Variants in CLPB observed in about 807,000 individuals in gnomAD.
CLPB encodes the protein mitochondrial disaggregase.
Under a neutral mutation model 78.4 loss-of-function variants are expected in CLPB, and 40 were observed. The ratio of observed to expected loss-of-function variants is 0.51; its 90% CI spans 0.40 to 0.66. CLPB has a LOEUF of 0.66. Among genes scored for constraint, CLPB ranks in the 30% least tolerant of loss-of-function variants. The pLI is 0.00. For synonymous variants in CLPB, 333 were observed against 348.0 expected (o/e 0.96, Z 0.48); for missense variants, 780 against 886.9 (o/e 0.88, Z 1.53).
chr11:72,331,142 C>T (rs534225378), intron 5 of CLPB, among the ~76,000 whole-genome samples: 1 of 151,850 alleles, frequency 6.6e-6, no homozygotes, highest in East Asian at 1.9e-4. Flanking sequence ...TGGTGGCTCA[C>T]GCCTGTAATC....
In CLPB at chr11:72,374,053, C is replaced by T. The variant is rs139497202; in HGVS notation, c.646+6228G>A. On this transcript the variant is annotated intron_variant, in intron 4 of 15. Coordinates refer to ENST00000538039, the MANE Select transcript of CLPB (RefSeq NM_001258392.3). The stretch of plus-strand genomic sequence containing the variant: ...GAAATCACATGGCTGACAGGGGCAC[C>T]GGAGGCCAGATAATCCAATGACCCA... Among the ~76,000 whole-genome samples, 75 of 151,912 alleles carry T rather than the reference C, an allele frequency of 4.9e-4. 1 individual carries two copies. The East Asian group carries it at 0.012, about 23-fold the overall frequency.
At chr11:72,408,330 G>T in intron 2 of CLPB, 3 of 717,920 alleles carry the variant, frequency 4.2e-6, no homozygotes, top group Non-Finnish European at 6.9e-6. Flanking sequence ...TGGTCGTAAG[G>T]ATTAAAACAG....
chr11:72,413,117 C>T (rs1565091829), intron 2 of CLPB, among the ~76,000 whole-genome samples: 1 of 152,046 alleles, frequency 6.6e-6, no homozygotes, highest in South Asian at 2.1e-4. Context: ...GGAGAAACCC[C>T]GTCTCTACTA....
intron 2 of CLPB, among the ~76,000 whole-genome samples, chr11:72,409,497 T>A (rs1327375703): frequency 1.3e-5 from 2 of 151,708 alleles, no homozygotes; most frequent in Non-Finnish European, 2.9e-5. Context: ...CGTATGACAA[T>A]CACTTGAACT....
intron 4 of CLPB, among the ~76,000 whole-genome samples, chr11:72,365,244 C>T (rs1270793431): frequency 6.6e-6 from 1 of 152,146 alleles, no homozygotes; most frequent in Non-Finnish European, 1.5e-5. Context: ...ATCCCTTAAG[C>T]CCAGGAAGTC....
At position 72,295,496 on chromosome 11, in the gene CLPB, G is replaced by C. The variant is rs779812366; in HGVS notation, c.1482C>G (p.Asn494Lys). 1 of 1,614,022 alleles carries C rather than the reference G, an allele frequency of 6.2e-7. No homozygotes were observed. The highest frequency in any genetic ancestry group is 1.7e-5 in the Admixed American group (1 of 60,012). The change falls in exon 12 of 16, where the codon AAC becomes AAG. Residue 494 changes from asparagine (N) to lysine (K), a missense_variant. Transcript: ENST00000538039. ...LEMSRNRIAE[N>K]LGDVQISDKI... Reference sequence around the variant, plus strand: ...TGCTCAGGTCAGCCGCCATACCCAGGTTTTCGGCAATACGGTTACGGCTCA... The same window carrying C: ...TGCTCAGGTCAGCCGCCATACCCAGCTTTTCGGCAATACGGTTACGGCTCA...
At chr11:72,359,047 A>G in intron 4 of CLPB, 39 bp from the exon 5 acceptor site, 1 of 1,610,780 alleles carries the variant, frequency 6.2e-7, no homozygotes, top group Non-Finnish European at 8.5e-7. Context: ...ATTAGCAACG[A>G]CAGCATGAGC....
Position 72,308,523 on chromosome 11 carries a change from T to C in CLPB, c.1066+4A>G. 6.2e-7 allele frequency: 1 copy of C among 1,613,634 alleles called. No individual in the cohort carries two copies. Among genetic ancestry groups the C allele is most frequent in the Non-Finnish European group, 8.5e-7 (1 of 1,179,564 alleles). On this transcript the variant is annotated splice_donor_region_variant and intron_variant, in intron 8 of 15. Coordinates refer to ENST00000538039, the MANE Select transcript of CLPB (RefSeq NM_001258392.3). Reference sequence around the variant, plus strand: ...TCCCCACTGGCTGATCTGCTCCCAATTACCTATTCCAGATGATCCCAAGAA... The same window carrying C: ...TCCCCACTGGCTGATCTGCTCCCAACTACCTATTCCAGATGATCCCAAGAA...
intron 6 of CLPB, among the ~76,000 whole-genome samples, chr11:72,322,117 T>C (rs962404783): frequency 6.6e-6 from 1 of 152,026 alleles, no homozygotes; most frequent in Non-Finnish European, 1.5e-5. Context: ...TTTGAAAGTC[T>C]CTTAAACTAG....
rs1450916944 is a variant in CLPB at position 72,287,871 on chromosome 11, A to T, written c.*5496T>A. Reference sequence around the variant, plus strand: ...TAATTTCTCATGCCTAATTTTGTTAATTTTTTTGGCTCCTTTCCCCTTTTA... The same window carrying T: ...TAATTTCTCATGCCTAATTTTGTTATTTTTTTTGGCTCCTTTCCCCTTTTA... On this transcript the variant is annotated 3_prime_UTR_variant, in exon 16 of 16. Transcript: ENST00000538039. 6.6e-6 allele frequency: 1 copy of T among 151,908 alleles called. No individual in the cohort carries two copies. Among genetic ancestry groups the T allele is most frequent in the African/African-American group, 2.4e-5 (1 of 41,368 alleles). 9.4% of individuals were successfully genotyped at this position (151,908 alleles called of 1,614,324 possible).
At chr11:72,377,928 C>T (rs576997316) in intron 4 of CLPB, among the ~76,000 whole-genome samples, 1 of 152,346 alleles carries the variant, frequency 6.6e-6, no homozygotes, top group South Asian at 2.1e-4. Flanking sequence ...TAAGTAGTCA[C>T]AACTGAGATC....
intron 3 of CLPB, among the ~76,000 whole-genome samples, chr11:72,398,998 C>T (rs578114536): frequency 6.6e-6 from 1 of 152,140 alleles, no homozygotes; most frequent in Non-Finnish European, 1.5e-5. Context: ...AGCACATTAG[C>T]ACCTGACACC....
chr11:72,399,127 T>C (rs748526280), intron 3 of CLPB, among the ~76,000 whole-genome samples: 30 of 151,376 alleles, frequency 2.0e-4, no homozygotes, highest in Non-Finnish European at 3.7e-4. Flanking sequence ...TTTTTTGCCC[T>C]ATCAGGAAAC....
chr11:72,330,416 G>A (rs1259763125), intron 5 of CLPB, among the ~76,000 whole-genome samples: 1 of 152,212 alleles, frequency 6.6e-6, no homozygotes, highest in East Asian at 1.9e-4. Flanking sequence ...ATTAGTTCCT[G>A]TGACTTAAGG....
chr11:72,409,172 C>T (rs1318133526), intron 2 of CLPB, among the ~76,000 whole-genome samples: 1 of 152,160 alleles, frequency 6.6e-6, no homozygotes, highest in African/African-American at 2.4e-5. Flanking sequence ...GGGCTCACTC[C>T]AGACTTGTGG....
chr11:72,403,775 T>C (rs568491288), intron 2 of CLPB, among the ~76,000 whole-genome samples: 8 of 152,176 alleles, frequency 5.3e-5, no homozygotes, highest in Non-Finnish European at 1.2e-4. Context: ...GCTCAATAAT[T>C]ATTAAATAAA....
At chr11:72,396,565 T>TA (rs1855412944) in intron 3 of CLPB, among the ~76,000 whole-genome samples, 1 of 152,216 alleles carries the variant, frequency 6.6e-6, no homozygotes, top group African/African-American at 2.4e-5. Flanking sequence ...TCCCAGTCTG[T>TA]AACCTCAACT....
intron 11 of CLPB, among the ~76,000 whole-genome samples, chr11:72,300,994 G>C (rs77342802): frequency 0.028 from 4,278 of 152,240 alleles, 105 homozygotes; most frequent in Non-Finnish European, 0.038. Flanking sequence ...CCCAATCTTG[G>C]CTCTTTACAC....
At chr11:72,295,396 C>A (rs1949531962) in intron 12 of CLPB, 96 bp downstream of exon 12, 1 of 1,380,152 alleles carries the variant, frequency 7.2e-7, no homozygotes, top group Non-Finnish European at 1.0e-6. Flanking sequence ...CCCACTAGAA[C>A]CTTCACCTGG....
Sources: gnomAD v4.1 joint callset for allele counts (sites outside exome capture counted in the v4.1 genomes callset) on GRCh38, gnomAD v4.1.1 for gene constraint, MANE v1.5 for transcripts, NCBI Gene and HGNC (gene_info 2026-07-23, HGNC 2026-07-21) for gene names.